Variants in PPFIA2 observed in about 807,000 individuals in gnomAD.
PPFIA2 encodes liprin-alpha-2.
In PPFIA2, 46 loss-of-function variants were observed where a neutral mutation model predicts 175.5. That is an observed-to-expected ratio of 0.26 (90% CI 0.21 to 0.34). The LOEUF is 0.34. PPFIA2 is among the 10% of genes least tolerant of loss of function. The pLI, the probability that PPFIA2 is intolerant of heterozygous loss-of-function variation, is 1.00. For missense variants in PPFIA2, 1,179 were observed against 1,506.1 expected, an observed-to-expected ratio of 0.78 and a Z score of 3.60; for synonymous variants, 568 against 511.4, an observed-to-expected ratio of 1.11 and a Z score of -1.49.
intron 28 of PPFIA2, among the ~76,000 whole-genome samples, chr12:81,270,254 T>A (rs1031719080): frequency 6.6e-6 from 1 of 152,228 alleles, no homozygotes; most frequent in Non-Finnish European, 1.5e-5. Context: ...TGTCTGAACA[T>A]CTTCATCTTT....
intron 4 of PPFIA2, among the ~76,000 whole-genome samples, chr12:81,555,970 A>T (rs1249646315): frequency 6.6e-6 from 1 of 151,884 alleles, no homozygotes; most frequent in Non-Finnish European, 1.5e-5. Context: ...TTGGGGTTTC[A>T]TCCTCTAAAT....
chr12:81,514,170 T>G (rs536957892), intron 4 of PPFIA2, among the ~76,000 whole-genome samples: 2 of 152,052 alleles, frequency 1.3e-5, no homozygotes, highest in African/African-American at 4.8e-5. Flanking sequence ...CCCAGTCAAG[T>G]TCCCCCCCTG....
intron 4 of PPFIA2, chr12:81,545,794 C>T (rs1350501621): frequency 1.3e-5 from 2 of 152,176 alleles, no homozygotes; most frequent in Non-Finnish European, 2.9e-5. Context: ...AATCAATCCA[C>T]TGATGCCACA....
intron 4 of PPFIA2, among the ~76,000 whole-genome samples, chr12:81,612,520 T>C (rs939737825): frequency 6.6e-6 from 1 of 152,074 alleles, no homozygotes; most frequent in African/African-American, 2.4e-5. Context: ...AAACTTCGAA[T>C]ACCTCAGTCT....
At chr12:81,354,310 T>C (rs997734222) in intron 16 of PPFIA2, among the ~76,000 whole-genome samples, 17 of 152,206 alleles carry the variant, frequency 1.1e-4, no homozygotes, top group African/African-American at 4.1e-4. Flanking sequence ...ATCAATCCTC[T>C]CACACCCTGA....
chr12:81,366,621 G>C (rs1338031805), intron 14 of PPFIA2, among the ~76,000 whole-genome samples: 2 of 151,696 alleles, frequency 1.3e-5, no homozygotes, highest in Admixed American at 1.3e-4. Flanking sequence ...TGTAAGGGCT[G>C]TGTTCTCTCT....
At chr12:81,529,982 T>TA (rs1215803983) in intron 4 of PPFIA2, among the ~76,000 whole-genome samples, 2 of 151,992 alleles carry the variant, frequency 1.3e-5, no homozygotes, top group East Asian at 3.9e-4. Context: ...AAAAGTTTTT[T>TA]AAAAAAATGA....
intron 24 of PPFIA2, among the ~76,000 whole-genome samples, chr12:81,289,445 T>C (rs1308052759): frequency 6.6e-6 from 1 of 151,900 alleles, no homozygotes; most frequent in East Asian, 1.9e-4. Flanking sequence ...AAATAAATGT[T>C]ACATAAAGCA....
intron 27 of PPFIA2, among the ~76,000 whole-genome samples, chr12:81,278,978 G>C (rs1261469064): frequency 6.6e-6 from 1 of 152,176 alleles, no homozygotes; most frequent in East Asian, 1.9e-4. Flanking sequence ...ATTGCATTAG[G>C]CAGGTGTTGT....
intron 5 of PPFIA2, among the ~76,000 whole-genome samples, chr12:81,452,812 G>A (rs896856679): frequency 1.3e-5 from 2 of 151,916 alleles, no homozygotes; most frequent in Admixed American, 1.3e-4. Flanking sequence ...AATTCCTTTG[G>A]CTCAAAACAA....
chr12:81,608,920 A>C (rs1288886419), intron 4 of PPFIA2, among the ~76,000 whole-genome samples: 1 of 151,950 alleles, frequency 6.6e-6, no homozygotes, highest in Non-Finnish European at 1.5e-5. Context: ...TTTTTAATGA[A>C]GGTATTTAGG....
At chr12:81,600,700 A>G (rs2059700405) in intron 4 of PPFIA2, among the ~76,000 whole-genome samples, 1 of 151,974 alleles carries the variant, frequency 6.6e-6, no homozygotes, top group South Asian at 2.1e-4. Context: ...AATATTCTAG[A>G]TACGTGTTAG....
At chr12:81,605,498 C>T (rs1380138961) in intron 4 of PPFIA2, among the ~76,000 whole-genome samples, 1 of 151,752 alleles carries the variant, frequency 6.6e-6, no homozygotes, top group Non-Finnish European at 1.5e-5. Context: ...AAGCATTTTC[C>T]AAGCAAACAT....
intron 21 of PPFIA2, among the ~76,000 whole-genome samples, chr12:81,326,507 T>C (rs1214132385): frequency 6.6e-6 from 1 of 152,110 alleles, no homozygotes; most frequent in African/African-American, 2.4e-5. Context: ...TAATATTTTT[T>C]GAAAAAATTC....
At chr12:81,268,574 CTTT>C (rs1486930268) in intron 28 of PPFIA2, among the ~76,000 whole-genome samples, 1 of 152,212 alleles carries the variant, frequency 6.6e-6, no homozygotes, top group African/African-American at 2.4e-5. Context: ...AATAATTAAT[CTTT>C]TCGAGTCTCT....
At chr12:81,510,936 A>G (rs1427104602) in intron 4 of PPFIA2, among the ~76,000 whole-genome samples, 2 of 152,098 alleles carry the variant, frequency 1.3e-5, no homozygotes, top group Non-Finnish European at 2.9e-5. Flanking sequence ...AAACATTCTA[A>G]TTAGTTTTCT....
At chr12:81,560,677 T>G (rs576241137) in intron 4 of PPFIA2, among the ~76,000 whole-genome samples, 1 of 152,164 alleles carries the variant, frequency 6.6e-6, no homozygotes, top group Non-Finnish European at 1.5e-5. Context: ...TTACTGCCTT[T>G]CAACATCATG....
intron 4 of PPFIA2, chr12:81,471,449 CCA>C (rs2056714318): frequency 6.6e-6 from 1 of 150,692 alleles, no homozygotes. Flanking sequence ...CAGCCATGAG[CCA>C]CAGTGCCTGG....
chr12:81,540,064 C>CAG (rs566794056), intron 4 of PPFIA2, among the ~76,000 whole-genome samples: 6 of 151,142 alleles, frequency 4.0e-5, no homozygotes, highest in East Asian at 1.9e-4. Context: ...AGAGAGGAGA[C>CAG]AGAGAGAGAG....
Sources: gnomAD v4.1 joint callset for allele counts (sites outside exome capture counted in the v4.1 genomes callset) on GRCh38, gnomAD v4.1.1 for gene constraint, MANE v1.5 for transcripts, NCBI Gene and HGNC (gene_info 2026-07-23, HGNC 2026-07-21) for gene names.